Variants in DOK6 observed in about 807,000 individuals in gnomAD.
DOK6 encodes docking protein 6, also known as downstream of tyrosine kinase 6.
Under a neutral mutation model 44.0 loss-of-function variants are expected in DOK6, and 22 were observed. The observed-to-expected ratio is 0.50, with a 90% CI of 0.36 to 0.71. The LOEUF is 0.71. Among genes scored for constraint, DOK6 ranks in the 30% least tolerant of loss-of-function variants. The pLI, the probability that DOK6 is intolerant of heterozygous loss-of-function variation, is 0.00. For missense variants in DOK6, 340 were observed against 416.4 expected, an observed-to-expected ratio of 0.82 and a Z score of 1.60; for synonymous variants, 166 against 145.5, an observed-to-expected ratio of 1.14 and a Z score of -1.01.
intron 1 of DOK6, among the ~76,000 whole-genome samples, chr18:69,437,213 A>G (rs1393909312): frequency 1.1e-4 from 16 of 152,158 alleles, no homozygotes; most frequent in Non-Finnish European, 2.2e-4. Context: ...TTGGTGTTAT[A>G]GTCATGAAGT....
chr18:69,519,598 A>G (rs1179555055), intron 1 of DOK6, among the ~76,000 whole-genome samples: 1 of 152,000 alleles, frequency 6.6e-6, no homozygotes, highest in Non-Finnish European at 1.5e-5. Flanking sequence ...ATTATTAGAA[A>G]CATATAAATA....
intron 7 of DOK6, among the ~76,000 whole-genome samples, chr18:69,812,633 GTCAAAGCATCCTACATTCT>G (rs993107254): frequency 2.6e-4 from 39 of 152,258 alleles, no homozygotes; most frequent in African/African-American, 8.4e-4. Flanking sequence ...GACTTAATGA[GTCAAAGCATCCTACATTCT>G]TCATTCTCAC....
At chr18:69,651,482 C>CTTTT (rs1168500882) in intron 3 of DOK6, among the ~76,000 whole-genome samples, 7 of 116,932 alleles carry the variant, frequency 6.0e-5, no homozygotes, top group Middle Eastern at 4.1e-3. Context: ...CCCCCCGCTC[C>CTTTT]TTTTTTTTTT....
intron 2 of DOK6, among the ~76,000 whole-genome samples, chr18:69,587,770 A>AACACACGCACACAC (rs1983537976): frequency 1.3e-5 from 2 of 149,056 alleles, no homozygotes; most frequent in African/African-American, 2.5e-5. Context: ...TGTAAATTTA[A>AACACACGCACACAC]ACACACACAC....
intron 7 of DOK6, among the ~76,000 whole-genome samples, chr18:69,802,171 A>G (rs1196577499): frequency 6.6e-6 from 1 of 152,174 alleles, no homozygotes; most frequent in Non-Finnish European, 1.5e-5. Context: ...CTCTTTCTAC[A>G]GTAGATCACA....
intron 7 of DOK6, chr18:69,831,104 C>T (rs1049308260): frequency 1.4e-4 from 21 of 152,362 alleles, no homozygotes; most frequent in African/African-American, 5.1e-4. Flanking sequence ...AAGCTGGAGA[C>T]CCAAAAGAGC....
chr18:69,721,202 T>C (rs1200019355), intron 5 of DOK6: 1 of 152,212 alleles, frequency 6.6e-6, no homozygotes, highest in Non-Finnish European at 1.5e-5. Context: ...ATATACCTAA[T>C]GTCCTTCTCT....
At chr18:69,624,120 T>A (rs1162750457) in intron 3 of DOK6, among the ~76,000 whole-genome samples, 1 of 152,126 alleles carries the variant, frequency 6.6e-6, no homozygotes, top group Non-Finnish European at 1.5e-5. Flanking sequence ...GTTTAATAAA[T>A]CTAAAAGCAA....
intron 6 of DOK6, among the ~76,000 whole-genome samples, chr18:69,750,515 C>T (rs907120891): frequency 6.6e-6 from 1 of 152,026 alleles, no homozygotes; most frequent in Admixed American, 6.6e-5. Context: ...GCAAATAAAA[C>T]CACAATGAGA....
chr18:69,554,333 C>T (rs1320672567), intron 1 of DOK6, among the ~76,000 whole-genome samples: 1 of 152,206 alleles, frequency 6.6e-6, no homozygotes, highest in East Asian at 1.9e-4. Context: ...ATGGAAGCCA[C>T]TTTCTCACTC....
intron 5 of DOK6, among the ~76,000 whole-genome samples, chr18:69,713,831 G>T (rs1185659361): frequency 2.0e-5 from 3 of 152,088 alleles, no homozygotes; most frequent in Non-Finnish European, 4.4e-5. Context: ...ATCTGCATTG[G>T]TGTTGTGGTA....
chr18:69,816,205 G>A (rs17793893), intron 7 of DOK6, among the ~76,000 whole-genome samples: 19,755 of 152,142 alleles, frequency 0.13, 1,432 homozygotes, highest in African/African-American at 0.15. Context: ...GGTTATTGAA[G>A]AATCAAATTC....
At chr18:69,681,094 A>G (rs1258209250) in intron 4 of DOK6, among the ~76,000 whole-genome samples, 2 of 152,246 alleles carry the variant, frequency 1.3e-5, no homozygotes, top group African/African-American at 4.8e-5. Flanking sequence ...GTATTAAATT[A>G]TATAGCTGAA....
intron 1 of DOK6, among the ~76,000 whole-genome samples, chr18:69,472,523 T>G (rs1250171310): frequency 2.6e-5 from 4 of 152,152 alleles, no homozygotes; most frequent in African/African-American, 7.2e-5. Flanking sequence ...AAAGGTGGCT[T>G]CCTCCTCCTG....
At chr18:69,424,450 T>A (rs1978580977) in intron 1 of DOK6, among the ~76,000 whole-genome samples, 1 of 152,234 alleles carries the variant, frequency 6.6e-6, no homozygotes, top group South Asian at 2.1e-4. Flanking sequence ...GTTTTCTATG[T>A]GACATCTTTT....
chr18:69,550,304 T>C (rs1982528424), intron 1 of DOK6, among the ~76,000 whole-genome samples: 1 of 152,086 alleles, frequency 6.6e-6, no homozygotes, highest in Admixed American at 6.6e-5. Flanking sequence ...AAAGTAGCAC[T>C]GATGAAATTT....
intron 7 of DOK6, among the ~76,000 whole-genome samples, chr18:69,823,052 G>A (rs1439317661): frequency 6.6e-6 from 1 of 152,052 alleles, no homozygotes; most frequent in African/African-American, 2.4e-5. Flanking sequence ...AAATGTGCAG[G>A]GCAAGATGAG....
intron 1 of DOK6, among the ~76,000 whole-genome samples, chr18:69,500,950 CA>C (rs1311388793): frequency 6.6e-6 from 1 of 151,760 alleles, no homozygotes; most frequent in African/African-American, 2.4e-5. Context: ...GAAATGCCAA[CA>C]AACATTTGGT....
At chr18:69,401,943 T>G (rs1916110307) in intron 1 of DOK6, among the ~76,000 whole-genome samples, 1 of 152,170 alleles carries the variant, frequency 6.6e-6, no homozygotes, top group African/African-American at 2.4e-5. Context: ...GCAAAGTTGA[T>G]GGAGACCTTT....
Sources: allele counts gnomAD v4.1 joint callset (sites outside exome capture counted in the v4.1 genomes callset), GRCh38; gene constraint gnomAD v4.1.1; transcripts MANE v1.5; gene names NCBI Gene and HGNC (gene_info 2026-07-23, HGNC 2026-07-21).